The following RALGPS1 variants were observed in gnomAD, a reference collection of about 807,000 sequenced individuals.
RALGPS1 encodes ras-specific guanine nucleotide-releasing factor RalGPS1.
RALGPS1 carries 19 observed loss-of-function variants against 78.8 expected under a neutral mutation model. The ratio of observed to expected loss-of-function variants is 0.24; its 90% CI spans 0.17 to 0.35. RALGPS1 has a LOEUF of 0.35. Among genes scored for constraint, RALGPS1 ranks in the 10% least tolerant of loss-of-function variants. The probability of loss-of-function intolerance (pLI) is 1.00; values close to 1 mark genes in which losing one functional copy is unlikely to be tolerated. For synonymous variants in RALGPS1, 228 were observed against 256.3 expected, an observed-to-expected ratio of 0.89 and a Z score of 1.06; for missense variants, 454 against 688.3, an observed-to-expected ratio of 0.66 and a Z score of 3.81.
chr9:127,173,300 C>G (rs2059659486), intron 10 of RALGPS1, among the ~76,000 whole-genome samples: 1 of 152,172 alleles, frequency 6.6e-6, no homozygotes, highest in African/African-American at 2.4e-5. Flanking sequence ...CCACCTAGTT[C>G]CTTAGCAGCT....
At chr9:127,043,915 C>T (rs2047528634) in intron 5 of RALGPS1, among the ~76,000 whole-genome samples, 1 of 152,162 alleles carries the variant, frequency 6.6e-6, no homozygotes, top group African/African-American at 2.4e-5. Context: ...ATAAAACAAA[C>T]AAAAAACCCT....
intron 2 of RALGPS1, among the ~76,000 whole-genome samples, chr9:126,962,985 G>A (rs1178124651): frequency 3.3e-5 from 5 of 152,218 alleles, no homozygotes; most frequent in Non-Finnish European, 7.3e-5. Context: ...CTTTTGAAGT[G>A]ATCCTGGGTA....
chr9:127,203,593 G>C (rs1274013346), intron 14 of RALGPS1, among the ~76,000 whole-genome samples: 4 of 152,208 alleles, frequency 2.6e-5, no homozygotes, highest in Admixed American at 6.5e-5. Context: ...GGCAGGGTTG[G>C]GGGGCACAGT....
intron 1 of RALGPS1, among the ~76,000 whole-genome samples, chr9:126,956,630 G>A (rs965308809): frequency 1.3e-5 from 2 of 152,056 alleles, no homozygotes; most frequent in African/African-American, 4.8e-5. Context: ...TCCTGTACTT[G>A]GACCCCTGGA....
At chr9:127,106,573 T>C (rs2054234824) in intron 8 of RALGPS1, among the ~76,000 whole-genome samples, 1 of 152,210 alleles carries the variant, frequency 6.6e-6, no homozygotes, top group Non-Finnish European at 1.5e-5. Context: ...ACTTGCCTAA[T>C]GTCCCAGAGC....
chr9:126,989,976 A>G (rs2133169003), intron 4 of RALGPS1: 1 of 1,550,522 alleles, frequency 6.4e-7, no homozygotes, highest in South Asian at 1.2e-5. Flanking sequence ...AGTTCAGGAA[A>G]ACACTGCCTG....
chr9:126,959,301 G>A (rs1021168063), intron 1 of RALGPS1, among the ~76,000 whole-genome samples: 4 of 151,992 alleles, frequency 2.6e-5, no homozygotes, highest in Non-Finnish European at 4.4e-5. Flanking sequence ...ACCTCAGGTG[G>A]TCTGCCCACT....
intron 8 of RALGPS1, among the ~76,000 whole-genome samples, chr9:127,103,649 G>A (rs1427971519): frequency 6.6e-6 from 1 of 152,200 alleles, no homozygotes; most frequent in African/African-American, 2.4e-5. Flanking sequence ...GGGAGGGGGA[G>A]CATGATGTTG....
In RALGPS1 at chr9:127,183,690, G is replaced by C. The variant is rs984097880; in HGVS notation, c.910+8908G>C. Among the ~76,000 whole-genome samples, 1 of 152,062 alleles carries C rather than the reference G, an allele frequency of 6.6e-6. No homozygotes were observed. Among genetic ancestry groups the C allele is most frequent in the African/African-American group, 2.4e-5 (1 of 41,406 alleles). On this transcript the variant is annotated intron_variant, in intron 11 of 18. Coordinates refer to ENST00000259351, the MANE Select transcript of RALGPS1 (RefSeq NM_014636.3). This position sits in a 1 kb window ranked among gnomAD's most constrained non-coding sequence, Gnocchi z 4.0. ...TATGTGTGAGTAGAAAAAGAGAACAGCCAGGGGCAAGCTGTAGGCCCTCTC... is the reference window on the plus strand; with the variant it reads ...TATGTGTGAGTAGAAAAAGAGAACACCCAGGGGCAAGCTGTAGGCCCTCTC...
rs553449495 is a variant in RALGPS1, at chr9:127,093,328, G to T, written c.610+23972G>T. On this transcript the variant is annotated intron_variant, in intron 8 of 18. Transcript: ENST00000259351. ...TTTTTGGGGGATTCTCCCAGGAACT[G>T]GGAGCCTCTTGGGACTTGCGCCTTC... Among the ~76,000 whole-genome samples, 3 of 152,290 alleles carry T rather than the reference G, an allele frequency of 2.0e-5. No individual in the cohort carries two copies. The South Asian group carries it at 6.2e-4, about 32-fold the overall frequency.
At chr9:127,151,650 G>C (rs1438150718) in intron 8 of RALGPS1, among the ~76,000 whole-genome samples, 1 of 152,004 alleles carries the variant, frequency 6.6e-6, no homozygotes, top group African/African-American at 2.4e-5. Flanking sequence ...CTGAGTCTTT[G>C]CAAGAGTTTT....
At chr9:127,077,923 G>C (rs2050818541) in intron 8 of RALGPS1, among the ~76,000 whole-genome samples, 1 of 152,202 alleles carries the variant, frequency 6.6e-6, no homozygotes, top group Non-Finnish European at 1.5e-5. Flanking sequence ...AAAGCTTAAG[G>C]CTGGATTCTG....
At chr9:127,088,696 G>A in intron 8 of RALGPS1, 1 of 557,330 alleles carries the variant, frequency 1.8e-6, no homozygotes, top group Non-Finnish European at 3.2e-6. Context: ...AGAGTTGTCT[G>A]TAGTCCTGTC....
At chr9:127,100,313 T>A (rs1475483965) in intron 8 of RALGPS1, among the ~76,000 whole-genome samples, 2 of 152,184 alleles carry the variant, frequency 1.3e-5, no homozygotes, top group African/African-American at 4.8e-5. Context: ...GCCTGAGGCC[T>A]CTCAAGTAAG....
intron 3 of RALGPS1, 51 bp downstream of exon 3, chr9:126,966,002 A>G (rs2039451550): frequency 7.4e-7 from 1 of 1,354,930 alleles, no homozygotes; most frequent in Non-Finnish European, 1.1e-6. Context: ...GCAGGGCACT[A>G]GAGGGAGCCA....
At chr9:127,145,675 A>G (rs532110148) in intron 8 of RALGPS1, among the ~76,000 whole-genome samples, 1 of 152,292 alleles carries the variant, frequency 6.6e-6, no homozygotes, top group African/African-American at 2.4e-5. Context: ...CTCTTAGACT[A>G]GAGGTAGAGC....
At chr9:127,044,310 G>T (rs1292696869) in intron 5 of RALGPS1, among the ~76,000 whole-genome samples, 1 of 151,898 alleles carries the variant, frequency 6.6e-6, no homozygotes, top group African/African-American at 2.4e-5. Flanking sequence ...AGGCTGGAGT[G>T]CAGTGGCGTG....
rs563000601 is a variant in RALGPS1, at chr9:127,205,361, G to A, written c.1247+6295G>A. Among the ~76,000 whole-genome samples, 5 of 152,322 alleles carry A rather than the reference G, an allele frequency of 3.3e-5. 1 individual carries two copies. The South Asian group carries it at 8.3e-4, about 25-fold the overall frequency. On this transcript the variant is annotated intron_variant, in intron 14 of 18. Coordinates refer to ENST00000259351, the MANE Select transcript of RALGPS1 (RefSeq NM_014636.3). The surrounding 1 kb of genome is among the most constrained non-coding windows in gnomAD (Gnocchi z 4.0). Reference sequence around the variant, plus strand: ...CAGCTTCTGATTTGGGTTTCCCTCCGATATGTGATCTCTTGCCTTACTCCC... The same window carrying A: ...CAGCTTCTGATTTGGGTTTCCCTCCAATATGTGATCTCTTGCCTTACTCCC...
Position 127,009,317 on chromosome 9 carries a change from G to A in RALGPS1, c.217-25114G>A, listed in dbSNP as rs182246474. 2.7e-3 allele frequency among the ~76,000 whole-genome samples: 418 copies of A among 152,128 alleles called. 2 individuals carry two copies. Among genetic ancestry groups the A allele is most frequent in the African/African-American group, 9.5e-3 (393 of 41,506 alleles). On this transcript the variant is annotated intron_variant, in intron 4 of 18. Transcript: ENST00000259351. ...TTGTTCCCCCCTCATCCTTTATCAT[G>A]GATTGTCCCTGGGATCATCCATCTC...
Sources: allele counts gnomAD v4.1 joint callset (sites outside exome capture counted in the v4.1 genomes callset), GRCh38; gene constraint gnomAD v4.1.1; non-coding constraint Gnocchi (gnomAD v3.1); transcripts MANE v1.5; gene names NCBI Gene and HGNC (gene_info 2026-07-23, HGNC 2026-07-21).